The following DYM variants were observed in gnomAD, a reference collection of about 807,000 sequenced individuals.
DYM encodes dymeclin.
In DYM, 78 loss-of-function variants were observed where a neutral mutation model predicts 93.1. The observed-to-expected ratio is 0.84, with a 90% CI of 0.70 to 1.01. The LOEUF (loss-of-function observed/expected upper bound fraction) is 1.01. DYM is among the 50% of genes least tolerant of loss of function. DYM has a pLI of 0.00. For synonymous variants in DYM, 321 were observed against 319.7 expected, an observed-to-expected ratio of 1.00 and a Z score of -0.04; for missense variants, 789 against 845.0, an observed-to-expected ratio of 0.93 and a Z score of 0.82.
At chr18:49,150,884 G>A (rs1206760968) in intron 15 of DYM, among the ~76,000 whole-genome samples, 1 of 152,158 alleles carries the variant, frequency 6.6e-6, no homozygotes, top group South Asian at 2.1e-4. Flanking sequence ...TTAAACAAAC[G>A]TGCCAAGTAA....
intron 8 of DYM, among the ~76,000 whole-genome samples, chr18:49,302,932 G>A (rs1368445724): frequency 6.6e-6 from 1 of 152,174 alleles, no homozygotes; most frequent in African/African-American, 2.4e-5. Context: ...CCATAGAACA[G>A]AACTTCAGCA....
At chr18:49,375,174 A>G (rs1367681553) in intron 5 of DYM, among the ~76,000 whole-genome samples, 1 of 141,962 alleles carries the variant, frequency 7.0e-6, no homozygotes, top group East Asian at 2.1e-4. Flanking sequence ...TCACAGTTAC[A>G]AAGCGGGAAA....
At chr18:49,094,793 T>C (rs2079394582) in intron 17 of DYM, among the ~76,000 whole-genome samples, 1 of 152,204 alleles carries the variant, frequency 6.6e-6, no homozygotes, top group Non-Finnish European at 1.5e-5. Flanking sequence ...TCTACAAAGT[T>C]GGCTTCAATT....
At chr18:49,434,310 ACACT>A (rs1222398824) in intron 1 of DYM, among the ~76,000 whole-genome samples, 1 of 150,002 alleles carries the variant, frequency 6.7e-6, no homozygotes, top group East Asian at 2.0e-4. Flanking sequence ...TCTTGCCACT[ACACT>A]CCAGCCTGGG....
chr18:49,205,329 C>G (rs1481677068), intron 14 of DYM, among the ~76,000 whole-genome samples: 1 of 152,080 alleles, frequency 6.6e-6, no homozygotes, highest in East Asian at 1.9e-4. Context: ...ATTAAATATA[C>G]AAATCTAGAG....
intron 2 of DYM, chr18:49,418,198 T>G (rs1309705066): frequency 6.6e-6 from 1 of 152,150 alleles, no homozygotes; most frequent in African/African-American, 2.4e-5. Context: ...CCAGCAGTTC[T>G]CAATGATAAG....
chr18:49,338,616 G>A (rs2063844267), intron 6 of DYM, among the ~76,000 whole-genome samples: 1 of 152,052 alleles, frequency 6.6e-6, no homozygotes, highest in Non-Finnish European at 1.5e-5. Context: ...TGTATATATG[G>A]AAATAATATA....
intron 15 of DYM, among the ~76,000 whole-genome samples, chr18:49,143,976 C>T (rs917334574): frequency 6.6e-6 from 1 of 152,096 alleles, no homozygotes. Flanking sequence ...AAAAAATATA[C>T]ACAATGCAAT....
At chr18:49,063,209 C>T (rs982790914) in intron 17 of DYM, among the ~76,000 whole-genome samples, 7 of 152,292 alleles carry the variant, frequency 4.6e-5, no homozygotes, top group Admixed American at 3.3e-4. Flanking sequence ...CAATTTCCCA[C>T]ACCTGACACA....
chr18:49,392,720 C>T (rs2069427286), intron 2 of DYM, among the ~76,000 whole-genome samples: 2 of 133,552 alleles, frequency 1.5e-5, no homozygotes, highest in Admixed American at 7.7e-5. Context: ...AGAGGCCAGG[C>T]GAGGTGGGCT....
chr18:49,427,069 G>C (rs967564604), intron 2 of DYM, among the ~76,000 whole-genome samples: 1 of 152,038 alleles, frequency 6.6e-6, no homozygotes, highest in African/African-American at 2.4e-5. Context: ...TATAAAACAG[G>C]TGATTCAGGC....
In DYM at chr18:49,333,905, ATTCTT is replaced by A. The variant is rs377220857; in HGVS notation, c.495-57_495-53del. 67 of 1,542,352 alleles carry A rather than the reference ATTCTT, an allele frequency of 4.3e-5. 1 individual carries two copies. The African/African-American group carries it at 7.9e-4, about 18-fold the overall frequency. On this transcript the variant is annotated intron_variant, in intron 6 of 17. Transcript: ENST00000675505. ...AGTCACTTTGGAAGATTAAGACACT[ATTCTT>A]TTCTAAATGAACTATACATTTAAAA...
At chr18:49,127,230 C>T (rs558053053) in intron 15 of DYM, among the ~76,000 whole-genome samples, 4 of 152,196 alleles carry the variant, frequency 2.6e-5, no homozygotes, top group South Asian at 4.2e-4. Flanking sequence ...CAATTTCAAA[C>T]GTAAAAACAA....
chr18:49,295,622 T>C (rs2146051287), intron 8 of DYM, among the ~76,000 whole-genome samples: 1 of 152,318 alleles, frequency 6.6e-6, no homozygotes, highest in South Asian at 2.1e-4. Flanking sequence ...TCTAGACTAG[T>C]TTAGACTTCC....
chr18:49,298,231 G>A (rs2060681405), intron 8 of DYM, among the ~76,000 whole-genome samples: 1 of 152,148 alleles, frequency 6.6e-6, no homozygotes, highest in Admixed American at 6.6e-5. Context: ...AAAGAAAAAT[G>A]TTTTTTAAAA....
chr18:49,416,231 T>C (rs2072971542), intron 2 of DYM, among the ~76,000 whole-genome samples: 1 of 152,128 alleles, frequency 6.6e-6, no homozygotes, highest in African/African-American at 2.4e-5. Flanking sequence ...ATCATCCCTA[T>C]GAATCTACAT....
chr18:49,059,664 A>G (rs544212436), intron 17 of DYM, among the ~76,000 whole-genome samples: 131 of 152,236 alleles, frequency 8.6e-4, no homozygotes, highest in African/African-American at 2.9e-3. Flanking sequence ...GTGTGGTGGT[A>G]TGAGGGAGGG....
chr18:49,316,916 T>C (rs1393969120), intron 8 of DYM, among the ~76,000 whole-genome samples: 12 of 152,228 alleles, frequency 7.9e-5, no homozygotes, highest in Admixed American at 7.9e-4. Flanking sequence ...TATTGCTGAA[T>C]AAAATTCCAC....
chr18:49,308,168 G>A (rs1386952706), intron 8 of DYM, among the ~76,000 whole-genome samples: 1 of 151,892 alleles, frequency 6.6e-6, no homozygotes. Context: ...ACCAAAAACA[G>A]CTATTTTTTT....
Sources: allele counts gnomAD v4.1 joint callset (sites outside exome capture counted in the v4.1 genomes callset), GRCh38; gene constraint gnomAD v4.1.1; transcripts MANE v1.5; gene names NCBI Gene and HGNC (gene_info 2026-07-23, HGNC 2026-07-21).